The following GBF1 variants were observed in gnomAD, a reference collection of about 807,000 sequenced individuals.
GBF1 encodes golgi brefeldin A resistant guanine nucleotide exchange factor 1, also known as Golgi-specific brefeldin A-resistance guanine nucleotide exchange factor 1.
GBF1 carries 114 observed loss-of-function variants against 210.5 expected under a neutral mutation model. The observed-to-expected ratio is 0.54, with a 90% CI of 0.47 to 0.63. The LOEUF is 0.63. Among genes scored for constraint, GBF1 ranks in the 30% least tolerant of loss-of-function variants. The pLI is 0.00. For synonymous variants in GBF1, 850 were observed against 889.2 expected, an observed-to-expected ratio of 0.96 and a Z score of 0.78; for missense variants, 1,851 against 2,357.7, an observed-to-expected ratio of 0.79 and a Z score of 4.45.
intron 3 of GBF1, among the ~76,000 whole-genome samples, chr10:102,324,198 C>T (rs1443951725): frequency 6.6e-6 from 1 of 152,162 alleles, no homozygotes; most frequent in East Asian, 1.9e-4. Flanking sequence ...AGGAAAGCAG[C>T]AGGTGATGGA....
At chr10:102,303,335 C>T (rs1001538775) in intron 3 of GBF1, among the ~76,000 whole-genome samples, 9 of 152,140 alleles carry the variant, frequency 5.9e-5, no homozygotes, top group African/African-American at 1.9e-4. Flanking sequence ...CATTGTTTTA[C>T]ATGTGGGTAT....
intron 3 of GBF1, among the ~76,000 whole-genome samples, chr10:102,308,616 A>G (rs2078130847): frequency 6.6e-6 from 1 of 151,476 alleles, no homozygotes; most frequent in African/African-American, 2.4e-5. Context: ...TCAGTAAACT[A>G]TCGCAAGGAC....
At chr10:102,327,110 T>C (rs1014746372) in intron 3 of GBF1, among the ~76,000 whole-genome samples, 6 of 152,220 alleles carry the variant, frequency 3.9e-5, no homozygotes, top group African/African-American at 1.4e-4. Flanking sequence ...CGAATTCTCC[T>C]GGCCAAGCCT....
rs948901577 is a variant in GBF1 at position 102,266,299 on chromosome 10, T to C, written c.163+6183T>C. 5.3e-5 allele frequency among the ~76,000 whole-genome samples: 8 copies of C among 152,180 alleles called. No individual in the cohort carries two copies. In the East Asian group the frequency reaches 1.2e-3, roughly 22 times the overall value. ...TAGGTACCCATATTAACTATAACAT[T>C]GTTCTAGCTTCTTAGACCTTTTCTT... On this transcript the variant is annotated intron_variant, in intron 3 of 39. Coordinates refer to ENST00000369983, the MANE Select transcript of GBF1 (RefSeq NM_001377137.1).
chr10:102,279,476 A>C (rs1417395955), intron 3 of GBF1, among the ~76,000 whole-genome samples: 2 of 152,192 alleles, frequency 1.3e-5, no homozygotes, highest in Non-Finnish European at 2.9e-5. Context: ...TCATCTTATT[A>C]AGCACTTCCA....
chr10:102,292,652 G>A (rs1220566203), intron 3 of GBF1, among the ~76,000 whole-genome samples: 1 of 152,188 alleles, frequency 6.6e-6, no homozygotes, highest in African/African-American at 2.4e-5. Context: ...GCAGGCATGA[G>A]CCACTATGCC....
intron 3 of GBF1, among the ~76,000 whole-genome samples, chr10:102,277,481 G>A (rs2075094645): frequency 6.7e-6 from 1 of 148,712 alleles, no homozygotes; most frequent in Admixed American, 6.8e-5. Context: ...GGGTTCAACC[G>A]ATTCTCCCTG....
rs1033609763 is a variant in GBF1, at chr10:102,358,753, C to T, written c.1011+24C>T. On this transcript the variant is annotated intron_variant, in intron 10 of 39. Coordinates refer to ENST00000369983, the MANE Select transcript of GBF1 (RefSeq NM_001377137.1). ...AGGTATGGCTTTGATTTTTAATGTCCCTCTTCAGTATTCCACTGTGGGAAA... is the reference window on the plus strand; with the variant it reads ...AGGTATGGCTTTGATTTTTAATGTCTCTCTTCAGTATTCCACTGTGGGAAA... 4 of 1,430,942 alleles carry T rather than the reference C, an allele frequency of 2.8e-6. No homozygotes were observed. The African/African-American group carries it at 4.2e-5, about 15-fold the overall frequency. 88.6% of individuals were successfully genotyped at this position (1,430,942 alleles called of 1,614,324 possible). A position where few individuals can be genotyped will look rare whatever the true frequency, so the allele number is the denominator to read the frequency against.
At chr10:102,277,987 T>C (rs78644554) in intron 3 of GBF1, among the ~76,000 whole-genome samples, 4,288 of 152,248 alleles carry the variant, frequency 0.028, 75 homozygotes, top group Non-Finnish European at 0.035. Flanking sequence ...TTTCAGCCAG[T>C]GGTTTATGCC....
At chr10:102,313,376 C>G (rs1004313709) in intron 3 of GBF1, among the ~76,000 whole-genome samples, 3 of 152,146 alleles carry the variant, frequency 2.0e-5, no homozygotes, top group African/African-American at 7.2e-5. Flanking sequence ...CTCTGTGGGC[C>G]TGTAAAATTC....
At chr10:102,302,649 C>G (rs2077484491) in intron 3 of GBF1, among the ~76,000 whole-genome samples, 1 of 152,148 alleles carries the variant, frequency 6.6e-6, no homozygotes, top group Non-Finnish European at 1.5e-5. Context: ...ATGATGTAGT[C>G]ATTGTCAATT....
chr10:102,232,658 G>A, the GBF1 span, among the ~76,000 whole-genome samples: 1 of 152,118 alleles, frequency 6.6e-6, no homozygotes, highest in Non-Finnish European at 1.5e-5. Flanking sequence ...CTCCAGCCTG[G>A]GTGACAGAGC....
At chr10:102,356,986 A>G (rs1243835147) in intron 8 of GBF1, among the ~76,000 whole-genome samples, 1 of 152,162 alleles carries the variant, frequency 6.6e-6, no homozygotes, top group African/African-American at 2.4e-5. Flanking sequence ...ATCTGACAAC[A>G]TAAAACTGCA....
intron 3 of GBF1, among the ~76,000 whole-genome samples, chr10:102,272,811 G>A (rs905540951): frequency 6.6e-6 from 1 of 152,176 alleles, no homozygotes; most frequent in Non-Finnish European, 1.5e-5. Flanking sequence ...ACTAGTGGTG[G>A]CAAATGTGGG....
Position 102,376,433 on chromosome 10 carries a change from G to C in GBF1, c.4047+1G>C. ...TGTGGTCAACAGTGGTTGGTTAGTG[G>C]TGAGTGACAATATGGGCAGCAATTG... is the stretch of plus-strand genomic sequence containing the variant. On this transcript the variant is annotated splice_donor_variant, in intron 31 of 39. Coordinates refer to ENST00000369983, the MANE Select transcript of GBF1 (RefSeq NM_001377137.1). LOFTEE classifies it high-confidence loss of function. The C allele has an allele frequency of 1.2e-6, 2 of 1,614,186 alleles. No individual in the cohort carries two copies. Among genetic ancestry groups the C allele is most frequent in the Non-Finnish European group, 1.7e-6 (2 of 1,179,998 alleles).
chr10:102,268,439 G>A (rs1488266682), intron 3 of GBF1, among the ~76,000 whole-genome samples: 1 of 152,214 alleles, frequency 6.6e-6, no homozygotes, highest in East Asian at 1.9e-4. Context: ...CAGTGTAACA[G>A]TGTGGTTTGT....
In GBF1 at chr10:102,245,716, G is replaced by A. The variant is rs918481488; in HGVS notation, c.-76G>A. The A allele has an allele frequency of 2.6e-5, 4 of 152,202 alleles. No individual in the cohort carries two copies. The allele number at this position is 152,202 out of a possible 1,614,324, so 9.4% of individuals were successfully genotyped here. A position where few individuals can be genotyped will look rare whatever the true frequency, so the allele number is the denominator to read the frequency against. On this transcript the variant is annotated 5_prime_UTR_variant, in exon 1 of 40. Coordinates refer to ENST00000369983, the MANE Select transcript of GBF1 (RefSeq NM_001377137.1). ...CTGCTCGGAGACGCCTCCGGGGTGC[G>A]GGCTGGACATGAGCAGCGGCTGCCG... is the stretch of plus-strand genomic sequence containing the variant.
In GBF1 at chr10:102,382,185, T is replaced by C; in HGVS notation, c.5432T>C (p.Leu1811Pro). The stretch of plus-strand genomic sequence containing the variant: ...CCCTTGGCTCAGCCCCCACTGATCC[T>C]GCAGCCCTTGGCCTCCCCACTGCAG... ...PPPLAQPPLI[L>P]QPLASPLQVG... is the part of the protein sequence containing the mutation. The change falls in exon 40 of 40, where the codon CTG becomes CCG. Residue 1811 changes from leucine (L) to proline (P), a missense_variant. By Grantham distance (98) the Leu-to-Pro change is moderately conservative. This residue lies in a region of GBF1 where 967 missense variants were observed against 1,247.7 expected (regional missense o/e 0.78). Coordinates refer to ENST00000369983, the MANE Select transcript of GBF1 (RefSeq NM_001377137.1). The C allele has an allele frequency of 6.2e-7, 1 of 1,614,064 alleles. No individual in the cohort carries two copies. Among genetic ancestry groups the C allele is most frequent in the Non-Finnish European group, 8.5e-7 (1 of 1,179,966 alleles).
At chr10:102,364,287 T>C (rs1160067585) in intron 17 of GBF1, among the ~76,000 whole-genome samples, 1 of 137,368 alleles carries the variant, frequency 7.3e-6, no homozygotes, top group East Asian at 2.6e-4. Context: ...TGCAGTGGCA[T>C]GATCTCAGCT....
Sources: gnomAD v4.1 joint callset for allele counts (sites outside exome capture counted in the v4.1 genomes callset) on GRCh38, gnomAD v4.1.1 for gene constraint, gnomAD v4.1.1 regional missense constraint, MANE v1.5 for transcripts, NCBI Gene and HGNC (gene_info 2026-07-23, HGNC 2026-07-21) for gene names.